ABR: variants seen among roughly 807,000 people sequenced by gnomAD.
ABR encodes active breakpoint cluster region-related protein.
In ABR, 35 loss-of-function variants were observed where a neutral mutation model predicts 107.2. The observed-to-expected ratio is 0.33, with a 90% confidence interval of 0.25 to 0.43. The LOEUF (loss-of-function observed/expected upper bound fraction) is 0.43, where lower values mean the gene tolerates loss of function less well. ABR is among the 20% of genes least tolerant of loss of function. The pLI, the probability that ABR is intolerant of heterozygous loss-of-function variation, is 1.00. For synonymous variants in ABR, 498 were observed against 462.0 expected, an observed-to-expected ratio of 1.08 and a Z score of -1.00; for missense variants, 815 against 1,115.2, an observed-to-expected ratio of 0.73 and a Z score of 3.83.
In ABR at chr17:1,084,488, C is replaced by G. The variant is rs1398445222; in HGVS notation, c.532-861G>C. Among the ~76,000 whole-genome samples, 1 of 152,232 alleles carries G rather than the reference C, an allele frequency of 6.6e-6. No homozygotes were observed. ...TACCTCCAAGGAGCCAAAGCCCCAG[C>G]CTCACTACACGTTTGCCTGTCACTC... On this transcript the variant is annotated intron_variant, in intron 4 of 22. Coordinates refer to ENST00000302538, the MANE Select transcript of ABR (RefSeq NM_021962.5). This position sits in a 1 kb window ranked among gnomAD's most constrained non-coding sequence, Gnocchi z 4.2.
At chr17:1,217,956 A>G (rs189210733) in intron 1 of ABR, among the ~76,000 whole-genome samples, 35 of 151,840 alleles carry the variant, frequency 2.3e-4, no homozygotes, top group Non-Finnish European at 4.0e-4. Context: ...CGGCCTCCCA[A>G]AGTGCTGGCA....
chr17:1,031,507 A>AC lies in ABR; in HGVS notation c.1792-18344dup, dbSNP rs1398755365. The AC allele has an allele frequency of 9.8e-6, 7 of 716,304 alleles. No individual in the cohort carries two copies. The Admixed American group carries it at 3.5e-4, about 35-fold the overall frequency. The allele number at this position is 716,304 out of a possible 1,614,324, so 44.4% of individuals were successfully genotyped here. ...ACTCCACGGAGGGGGCGGGAGCGGG[A>AC]CCCCATCAGCCCCCGCAGCCCCCGC... On this transcript the variant is annotated intron_variant, in intron 16 of 22. Transcript: ENST00000302538.
chr17:1,012,022 C>G (rs757272973), intron 18 of ABR, 37 bp from the exon 19 acceptor site: 1 of 1,609,050 alleles, frequency 6.2e-7, no homozygotes, highest in Non-Finnish European at 8.5e-7. Flanking sequence ...AGGGCAGCCC[C>G]CACGACAGCT....
intron 5 of ABR, among the ~76,000 whole-genome samples, chr17:1,082,659 G>T (rs992655837): frequency 1.3e-5 from 2 of 152,186 alleles, no homozygotes; most frequent in Non-Finnish European, 2.9e-5. Context: ...AACCTTAAAA[G>T]ACGACCTATA....
At position 1,050,195 on chromosome 17, in the gene ABR, G is replaced by T. The variant is rs1229713003; in HGVS notation, c.1660-14C>A. The T allele has an allele frequency of 1.2e-6, 2 of 1,609,056 alleles. No individual in the cohort carries two copies. Among genetic ancestry groups the T allele is most frequent in the Non-Finnish European group, 1.7e-6 (2 of 1,178,548 alleles). ...GATCTCAAACTCCTGGGGAAAGATG[G>T]GACAAAGGGCCCTGAACCTCCGAAG... On this transcript the variant is annotated splice_polypyrimidine_tract_variant and intron_variant, in intron 15 of 22. Transcript: ENST00000302538. This position sits in a 1 kb window ranked among gnomAD's most constrained non-coding sequence, Gnocchi z 4.6.
chr17:1,216,926 G>A (rs1321970428), intron 1 of ABR, among the ~76,000 whole-genome samples: 2 of 152,146 alleles, frequency 1.3e-5, no homozygotes, highest in Non-Finnish European at 2.9e-5. Flanking sequence ...GGCGTGGGGG[G>A]ATCCTAGGGG....
At chr17:1,026,344 C>G (rs1037378398) in intron 16 of ABR, among the ~76,000 whole-genome samples, 1 of 152,250 alleles carries the variant, frequency 6.6e-6, no homozygotes, top group Non-Finnish European at 1.5e-5. Context: ...GGAGGCCTCC[C>G]CGAGCACAGC....
intron 6 of ABR, among the ~76,000 whole-genome samples, chr17:1,075,805 G>A (rs1329639298): frequency 2.0e-5 from 3 of 152,218 alleles, no homozygotes; most frequent in Non-Finnish European, 1.5e-5. Context: ...ACTTTGGGAG[G>A]CCGAAGCGGG....
chr17:1,036,833 T>C (rs2073217457), intron 16 of ABR, among the ~76,000 whole-genome samples: 1 of 152,088 alleles, frequency 6.6e-6, no homozygotes, highest in African/African-American at 2.4e-5. Flanking sequence ...CTTCCCAGAA[T>C]GAGACACTGA....
rs2072325703 is a variant in ABR, at chr17:1,027,765, G to C, written c.1792-14601C>G. Among the ~76,000 whole-genome samples, 2 of 152,040 alleles carry C rather than the reference G, an allele frequency of 1.3e-5. No homozygotes were observed. The highest frequency in any genetic ancestry group is 2.4e-5 in the African/African-American group (1 of 41,396). ...CGCTATGGGGGTGTGTGTGAACAGA[G>C]AAGACGCACGATGAAGCTTTCTTCC... On this transcript the variant is annotated intron_variant, in intron 16 of 22. Transcript: ENST00000302538. This position sits in a 1 kb window ranked among gnomAD's most constrained non-coding sequence, Gnocchi z 4.7.
chr17:1,043,437 G>A (rs2440763), intron 16 of ABR, among the ~76,000 whole-genome samples: 54,387 of 152,044 alleles, frequency 0.36, 10,298 homozygotes, highest in East Asian at 0.65. Context: ...CCAAAGTGCT[G>A]GGATTACAGG....
At chr17:1,196,214 G>T (rs970673931) in intron 1 of ABR, among the ~76,000 whole-genome samples, 2 of 151,102 alleles carry the variant, frequency 1.3e-5, no homozygotes, top group East Asian at 1.9e-4. Context: ...CGGATCACCT[G>T]AGGTCAGGAG....
intron 1 of ABR, among the ~76,000 whole-genome samples, chr17:1,164,049 G>GGAC (rs1567847309): frequency 1.5e-4 from 1 of 6,728 alleles, no homozygotes; most frequent in African/African-American, 1.1e-3. Context: ...GCATCTAGGT[G>GGAC]GGACCCTGGC....
intron 1 of ABR, among the ~76,000 whole-genome samples, chr17:1,167,522 TCAGACATG>T (rs140088584): frequency 0.033 from 5,024 of 152,248 alleles, 126 homozygotes; most frequent in Non-Finnish European, 0.052. Context: ...GAGGAGCTTT[TCAGACATG>T]CAGAGGCCTG....
intron 2 of ABR, among the ~76,000 whole-genome samples, chr17:1,106,466 A>G (rs942981574): frequency 2.0e-5 from 3 of 149,116 alleles, no homozygotes; most frequent in Non-Finnish European, 4.4e-5. Context: ...CCCCAACTCC[A>G]CTAGAAGTGG....
At chr17:1,053,457 G>C (rs2032826448) in intron 14 of ABR, among the ~76,000 whole-genome samples, 1 of 151,884 alleles carries the variant, frequency 6.6e-6, no homozygotes. Flanking sequence ...CACAGGGTCA[G>C]AGCGAGGGTT....
intron 1 of ABR, among the ~76,000 whole-genome samples, chr17:1,158,449 T>C (rs966857363): frequency 6.6e-6 from 1 of 151,772 alleles, no homozygotes; most frequent in Admixed American, 6.6e-5. Flanking sequence ...CTGTTTTGCA[T>C]ATTGCTACAT....
At chr17:1,049,891 C>G in intron 16 of ABR, 159 bp downstream of exon 16, 1 of 1,013,784 alleles carries the variant, frequency 9.9e-7, no homozygotes, top group African/African-American at 1.6e-5. Context: ...AACAGGCAGC[C>G]ACCTCTAGCA....
intron 1 of ABR, among the ~76,000 whole-genome samples, chr17:1,224,056 T>C (rs1229697454): frequency 6.6e-6 from 1 of 152,134 alleles, no homozygotes; most frequent in East Asian, 1.9e-4. Flanking sequence ...AGTAAGCCCT[T>C]AGGGTTAGCG....
Sources: allele counts gnomAD v4.1 joint callset (sites outside exome capture counted in the v4.1 genomes callset), GRCh38; gene constraint gnomAD v4.1.1; non-coding constraint Gnocchi (gnomAD v3.1); transcripts MANE v1.5; gene names NCBI Gene and HGNC (gene_info 2026-07-23, HGNC 2026-07-21).